Variants in MESD observed in about 807,000 individuals in gnomAD.
MESD encodes mesoderm development LRP chaperone.
MESD carries 7 observed loss-of-function variants against 12.9 expected under a neutral mutation model. The observed-to-expected ratio is 0.54, with a 90% CI of 0.31 to 1.02. MESD has a LOEUF of 1.02. MESD is among the 50% of genes least tolerant of loss of function. MESD has a pLI of 0.05. For missense variants in MESD, 342 were observed against 296.7 expected (o/e 1.15, Z -1.12); for synonymous variants, 126 against 115.6 (o/e 1.09, Z -0.58).
rs143920774 is a variant in MESD, at chr15:80,962,719, C to T, written c.*289-10423G>A. Among the ~76,000 whole-genome samples, 8 of 152,324 alleles carry T rather than the reference C, an allele frequency of 5.3e-5. No homozygotes were observed. In the East Asian group the frequency reaches 1.2e-3, roughly 22 times the overall value. On this transcript the variant is annotated intron_variant, in intron 3 of 4. Transcript: ENST00000561312. ...GCACAACTACATGGAAACTGAACAA[C>T]GTGCTCCTGAATGACTACTGGGTAA... is the stretch of plus-strand genomic sequence containing the variant.
chr15:80,973,391 T>C (rs1375444959), downstream of MESD, among the ~76,000 whole-genome samples: 1 of 151,688 alleles, frequency 6.6e-6, no homozygotes, highest in Admixed American at 6.6e-5. Context: ...CCACAAAAAT[T>C]CGCCGGGTGT....
intron 3 of MESD, among the ~76,000 whole-genome samples, chr15:80,955,616 CGTGTGTGT>C (rs536028552): frequency 6.9e-6 from 1 of 144,964 alleles, no homozygotes; most frequent in African/African-American, 2.6e-5. Flanking sequence ...TGTGTTTGTG[CGTGTGTGT>C]GTGTGTGTGT....
intron 3 of MESD, among the ~76,000 whole-genome samples, chr15:80,969,785 G>C (rs906009338): frequency 1.3e-5 from 2 of 152,178 alleles, no homozygotes; most frequent in African/African-American, 4.8e-5. Flanking sequence ...AATCCGGGAG[G>C]CGGAAGTTGC....
At chr15:80,984,382 G>A (rs12593210) in intron 1 of MESD, among the ~76,000 whole-genome samples, 22,069 of 151,908 alleles carry the variant, frequency 0.15, 1,600 homozygotes, top group Middle Eastern at 0.19. Context: ...AGACCAGCCT[G>A]AGCAACATAT....
At chr15:80,969,642 G>T (rs779841465) in intron 3 of MESD, among the ~76,000 whole-genome samples, 1 of 152,100 alleles carries the variant, frequency 6.6e-6, no homozygotes, top group Non-Finnish European at 1.5e-5. Flanking sequence ...ATCAGTTGAG[G>T]TCAGGAGCTC....
chr15:80,948,727 C>A, exon 5 of MESD: 2 of 1,606,030 alleles, frequency 1.2e-6, no homozygotes, highest in South Asian at 1.1e-5. Flanking sequence ...CGATGGGGAG[C>A]CATGGAACGG....
intron 3 of MESD, among the ~76,000 whole-genome samples, chr15:80,963,872 T>C (rs1902130895): frequency 6.6e-6 from 1 of 152,202 alleles, no homozygotes; most frequent in Non-Finnish European, 1.5e-5. Flanking sequence ...GCCAATATCA[T>C]ACTGAATGGG....
intron 4 of MESD, chr15:80,949,758 CAG>C (rs1596218858): frequency 6.6e-6 from 1 of 152,296 alleles, no homozygotes; most frequent in Admixed American, 6.5e-5. Context: ...GGAGAAATCA[CAG>C]AGAGGTAAAA....
intron 3 of MESD, among the ~76,000 whole-genome samples, chr15:80,955,616 C>T (rs146625665): frequency 2.1e-5 from 3 of 144,902 alleles, no homozygotes; most frequent in African/African-American, 5.2e-5. Context: ...TGTGTTTGTG[C>T]GTGTGTGTGT....
chr15:80,959,397 T>C (rs1434707350), intron 3 of MESD, among the ~76,000 whole-genome samples: 3 of 152,102 alleles, frequency 2.0e-5, no homozygotes, highest in Non-Finnish European at 4.4e-5. Context: ...TTGTGGAAAT[T>C]AGTGCGGCCC....
Position 80,979,331 on chromosome 15 carries a change from T to C in MESD, c.593A>G (p.Lys198Arg). ...GTCTTGCTTTGTTTTATTTTTCTCT[T>C]TGCTTCCTCCTCCTTTGCCGGGGTA... is the stretch of plus-strand genomic sequence containing the variant. ...QVYPGKGGGS[K>R]EKNKTKQDKG... The change falls in exon 3 of 3, where the codon AAA becomes AGA. Residue 198 changes from lysine to arginine, a missense_variant. By Grantham distance (26) the Lys-to-Arg change is conservative. Coordinates refer to ENST00000261758, the MANE Select transcript of MESD (RefSeq NM_015154.3). 6.2e-7 allele frequency: 1 copy of C among 1,614,178 alleles called. No homozygotes were observed. The highest frequency in any genetic ancestry group is 8.5e-7 in the Non-Finnish European group (1 of 1,180,034).
At chr15:80,959,830 A>G (rs1033640677) in intron 3 of MESD, among the ~76,000 whole-genome samples, 2 of 150,572 alleles carry the variant, frequency 1.3e-5, no homozygotes, top group East Asian at 2.0e-4. Context: ...AGTGGGTAAG[A>G]GCAGTGGTGT....
intron 3 of MESD, among the ~76,000 whole-genome samples, chr15:80,956,675 A>G (rs1306834206): frequency 4.6e-5 from 7 of 152,240 alleles, no homozygotes; most frequent in Non-Finnish European, 8.8e-5. Flanking sequence ...GCAAAGCCAA[A>G]AGCAATTCTG....
exon 4 of MESD, chr15:80,952,220 G>C (rs1231970266): frequency 2.2e-6 from 1 of 456,158 alleles, no homozygotes; most frequent in Non-Finnish European, 4.4e-6. Context: ...GGAAAAACAG[G>C]TCCAAATCAA....
chr15:80,980,838 T>C lies in MESD; in HGVS notation c.446+1112A>G, dbSNP rs1596235937. On this transcript the variant is annotated intron_variant, in intron 2 of 2. Coordinates refer to ENST00000261758, the MANE Select transcript of MESD (RefSeq NM_015154.3). ...AAATGCCCTTTTTTTTTTTTTTTCT[T>C]CCCCGAGATGGAGTCTTGCTCTGCC... Among the ~76,000 whole-genome samples, 4 of 149,310 alleles carry C rather than the reference T, an allele frequency of 2.7e-5. 1 individual carries two copies. The highest frequency in any genetic ancestry group is 1.0e-4 in the African/African-American group (4 of 39,900).
Position 80,965,955 on chromosome 15 carries a change from T to TA in MESD, c.*288+12975dup, listed in dbSNP as rs202081748. On this transcript the variant is annotated intron_variant, in intron 3 of 4. Coordinates refer to the MESD transcript ENST00000561312. ...TACCCTAGAACTTAAAGTATAATAA[T>TA]AAAAAAAAAGAAAAGAAAAAACAAA... Among the ~76,000 whole-genome samples the TA allele has an allele frequency of 1.7e-3, 254 of 150,088 alleles. 1 individual carries two copies. Among genetic ancestry groups the TA allele is most frequent in the African/African-American group, 5.4e-3 (220 of 40,868 alleles).
At chr15:80,989,003 C>A (rs1893223321) in intron 1 of MESD, among the ~76,000 whole-genome samples, 1 of 152,188 alleles carries the variant, frequency 6.6e-6, no homozygotes, top group Non-Finnish European at 1.5e-5. Flanking sequence ...GAGCCATTAG[C>A]CATTGATACT....
intron 3 of MESD, among the ~76,000 whole-genome samples, chr15:80,968,225 T>C (rs1902213747): frequency 6.6e-6 from 1 of 152,234 alleles, no homozygotes; most frequent in South Asian, 2.1e-4. Context: ...CAGATGTTTC[T>C]GCCTGGAAGG....
chr15:80,986,685 G>T (rs1217628551), intron 1 of MESD, among the ~76,000 whole-genome samples: 1 of 152,164 alleles, frequency 6.6e-6, no homozygotes, highest in Non-Finnish European at 1.5e-5. Context: ...AGAGCGGGGG[G>T]CCAGGGACAA....
Sources: allele counts gnomAD v4.1 joint callset (sites outside exome capture counted in the v4.1 genomes callset), GRCh38; gene constraint gnomAD v4.1.1; transcripts MANE v1.5; gene names NCBI Gene and HGNC (gene_info 2026-07-23, HGNC 2026-07-21).